PDE4B: variants seen among roughly 807,000 people sequenced by gnomAD.
The protein encoded by PDE4B is phosphodiesterase 4B.
Under a neutral mutation model 82.2 loss-of-function variants are expected in PDE4B, and 20 were observed. The observed-to-expected ratio is 0.24, with a 90% confidence interval of 0.17 to 0.35. The LOEUF is 0.35. Among genes scored for constraint, PDE4B ranks in the 10% least tolerant of loss-of-function variants. The pLI, the probability that PDE4B is intolerant of heterozygous loss-of-function variation, is 1.00. For missense variants in PDE4B, 655 were observed against 907.2 expected, an observed-to-expected ratio of 0.72 and a Z score of 3.57; for synonymous variants, 320 against 318.9, an observed-to-expected ratio of 1.00 and a Z score of -0.04.
At chr1:66,113,946 T>G (rs1645540174) in intron 3 of PDE4B, among the ~76,000 whole-genome samples, 1 of 152,228 alleles carries the variant, frequency 6.6e-6, no homozygotes, top group Non-Finnish European at 1.5e-5. Context: ...GAGTAAGCAC[T>G]TCTACTATTA....
intron 3 of PDE4B, among the ~76,000 whole-genome samples, chr1:66,189,453 G>A (rs1029780478): frequency 3.3e-5 from 5 of 152,132 alleles, no homozygotes; most frequent in African/African-American, 9.7e-5. Flanking sequence ...CATTCTCCCT[G>A]TCACTTTCAG....
chr1:66,330,786 G>C, intron 7 of PDE4B: 1 of 985,370 alleles, frequency 1.0e-6, no homozygotes, highest in Non-Finnish European at 1.2e-6. Flanking sequence ...GTAAGTCAGA[G>C]AATCTTCGTG....
chr1:66,074,018 C>G (rs1557542048), intron 3 of PDE4B, among the ~76,000 whole-genome samples: 1 of 152,080 alleles, frequency 6.6e-6, no homozygotes, highest in African/African-American at 2.4e-5. Flanking sequence ...GCTGGAATCC[C>G]TCAGCCATTG....
At chr1:66,346,097 G>A (rs1290858321) in intron 8 of PDE4B, among the ~76,000 whole-genome samples, 1 of 152,176 alleles carries the variant, frequency 6.6e-6, no homozygotes, top group African/African-American at 2.4e-5. Context: ...CTATTTATGA[G>A]CACATGTGTT....
chr1:66,323,218 C>T (rs1012315754), intron 7 of PDE4B, among the ~76,000 whole-genome samples: 2 of 152,062 alleles, frequency 1.3e-5, no homozygotes, highest in Non-Finnish European at 2.9e-5. Context: ...TCAGTCTTTC[C>T]CTGTCTGCGT....
At chr1:66,070,314 A>G (rs899356632) in intron 3 of PDE4B, among the ~76,000 whole-genome samples, 2 of 151,970 alleles carry the variant, frequency 1.3e-5, no homozygotes, top group African/African-American at 2.4e-5. Context: ...TCTTGTTACT[A>G]TATATAGTCT....
intron 1 of PDE4B, among the ~76,000 whole-genome samples, chr1:65,793,451 G>A (rs1385122344): frequency 6.6e-6 from 1 of 152,182 alleles, no homozygotes; most frequent in Admixed American, 6.5e-5. Context: ...CTAGCCTTTC[G>A]CCCTCATCTT....
chr1:66,239,138 TGG>T (rs1335930478), intron 3 of PDE4B, among the ~76,000 whole-genome samples: 9 of 152,220 alleles, frequency 5.9e-5, no homozygotes, highest in African/African-American at 2.2e-4. Context: ...ATTGTCTTAT[TGG>T]CAGAGATACT....
intron 3 of PDE4B, among the ~76,000 whole-genome samples, chr1:66,125,599 G>C (rs1478145967): frequency 6.6e-6 from 1 of 152,188 alleles, no homozygotes; most frequent in South Asian, 2.1e-4. Flanking sequence ...CTTCACTCTT[G>C]TTTACATCAA....
At chr1:66,004,231 G>A (rs1051250535) in intron 3 of PDE4B, among the ~76,000 whole-genome samples, 4 of 152,050 alleles carry the variant, frequency 2.6e-5, no homozygotes, top group Non-Finnish European at 5.9e-5. Context: ...CTAATGTATC[G>A]AGAGCTTATG....
intron 3 of PDE4B, among the ~76,000 whole-genome samples, chr1:66,087,941 C>A (rs900233599): frequency 6.6e-6 from 1 of 151,384 alleles, no homozygotes; most frequent in African/African-American, 2.4e-5. Context: ...GTGGGTGCAG[C>A]ACACCAGCAT....
At chr1:66,091,921 A>G (rs942886342) in intron 3 of PDE4B, among the ~76,000 whole-genome samples, 4 of 152,114 alleles carry the variant, frequency 2.6e-5, no homozygotes, top group African/African-American at 9.7e-5. Flanking sequence ...CTTTGGTGAT[A>G]TATCTAATAT....
intron 3 of PDE4B, among the ~76,000 whole-genome samples, chr1:66,120,521 A>T (rs1174057641): frequency 6.6e-6 from 1 of 152,128 alleles, no homozygotes; most frequent in Non-Finnish European, 1.5e-5. Flanking sequence ...CACAACTTGG[A>T]CTCAGTACAC....
intron 1 of PDE4B, among the ~76,000 whole-genome samples, chr1:65,845,252 TTTG>T (rs1240285850): frequency 6.6e-6 from 1 of 152,162 alleles, no homozygotes; most frequent in African/African-American, 2.4e-5. Flanking sequence ...TTGTAAATAA[TTTG>T]TTGAGAAATA....
chr1:66,079,166 TTCTCTCTCTCTC>T (rs148765561), intron 3 of PDE4B, among the ~76,000 whole-genome samples: 20 of 142,314 alleles, frequency 1.4e-4, no homozygotes, highest in South Asian at 2.4e-4. Context: ...CCTGCTTCTT[TTCTCTCTCTCTC>T]TCTCTCTCTC....
chr1:65,955,794 T>G (rs1470389227), intron 3 of PDE4B, among the ~76,000 whole-genome samples: 1 of 152,174 alleles, frequency 6.6e-6, no homozygotes, highest in Non-Finnish European at 1.5e-5. Flanking sequence ...GGTTACGTGC[T>G]GTTCTCACGC....
At chr1:66,171,329 A>G (rs1012050872) in intron 3 of PDE4B, among the ~76,000 whole-genome samples, 1 of 152,314 alleles carries the variant, frequency 6.6e-6, no homozygotes, top group African/African-American at 2.4e-5. Flanking sequence ...GAAGGCAGTC[A>G]TGTACTTTAT....
intron 3 of PDE4B, among the ~76,000 whole-genome samples, chr1:66,040,660 A>C (rs1000782322): frequency 6.6e-6 from 1 of 152,056 alleles, no homozygotes; most frequent in South Asian, 2.1e-4. Context: ...ACAGCATGAA[A>C]ATGTAATCCT....
chr1:65,852,221 G>A (rs1163049895), intron 1 of PDE4B, among the ~76,000 whole-genome samples: 2 of 151,848 alleles, frequency 1.3e-5, no homozygotes, highest in Non-Finnish European at 2.9e-5. Flanking sequence ...TGCTAACCTT[G>A]TAAAATGAAA....
Sources: gnomAD v4.1 joint callset for allele counts (sites outside exome capture counted in the v4.1 genomes callset) on GRCh38, gnomAD v4.1.1 for gene constraint, MANE v1.5 for transcripts, NCBI Gene and HGNC (gene_info 2026-07-23, HGNC 2026-07-21) for gene names.